Variants in CALD1 observed in about 807,000 individuals in gnomAD.
CALD1 encodes caldesmon.
A neutral mutation model predicts 99.9 loss-of-function variants in CALD1; 33 were observed. The observed-to-expected ratio is 0.33, with a 90% CI of 0.25 to 0.44. The LOEUF is 0.44. Among genes scored for constraint, CALD1 ranks in the 20% least tolerant of loss-of-function variants. CALD1 has a pLI of 1.00. For synonymous variants in CALD1, 310 were observed against 325.0 expected, an observed-to-expected ratio of 0.95 and a Z score of 0.50; for missense variants, 861 against 962.1, an observed-to-expected ratio of 0.89 and a Z score of 1.39.
At position 134,921,141 on chromosome 7, in the gene CALD1, C is replaced by A. The variant is rs1022254274; in HGVS notation, c.72-7613C>A. On this transcript the variant is annotated intron_variant, in intron 3 of 14. Coordinates refer to ENST00000361675, the MANE Select transcript of CALD1 (RefSeq NM_033138.4). ...AGCGGTGAAGATTTTGAAAGAGATT[C>A]CCAAATTCATGTCCACACCAAGTAT... Among the ~76,000 whole-genome samples, 6 of 152,300 alleles carry A rather than the reference C, an allele frequency of 3.9e-5. No homozygotes were observed. In the South Asian group the frequency reaches 6.2e-4, roughly 16 times the overall value.
upstream of CALD1, among the ~76,000 whole-genome samples, chr7:134,775,102 G>C (rs1445753724): frequency 2.6e-5 from 4 of 151,910 alleles, no homozygotes; most frequent in East Asian, 7.7e-4. Context: ...ATTATAGTGT[G>C]TAGTAGAAAC....
At chr7:134,916,070 T>C (rs570397445) in intron 3 of CALD1, among the ~76,000 whole-genome samples, 21 of 152,324 alleles carry the variant, frequency 1.4e-4, no homozygotes, top group Admixed American at 1.1e-3. Context: ...TCATTTCCCA[T>C]TTCCTGTCTC....
At chr7:134,820,248 C>T (rs112883836) in intron 1 of CALD1, among the ~76,000 whole-genome samples, 2 of 152,230 alleles carry the variant, frequency 1.3e-5, no homozygotes, top group African/African-American at 4.8e-5. Context: ...TGATCTTGTA[C>T]GTATAGATGG....
chr7:134,733,812 AAAAAAAAC>A, the CALD1 span, among the ~76,000 whole-genome samples: 3 of 89,152 alleles, frequency 3.4e-5, no homozygotes, highest in African/African-American at 4.8e-5. Flanking sequence ...CTGTCTCAAA[AAAAAAAAC>A]AAAAAACAAA....
chr7:134,852,583 C>G (rs1241778638), intron 2 of CALD1, among the ~76,000 whole-genome samples: 1 of 152,170 alleles, frequency 6.6e-6, no homozygotes, highest in Non-Finnish European at 1.5e-5. Context: ...CCAACAGCTT[C>G]CCAGACCTTC....
intron 1 of CALD1, among the ~76,000 whole-genome samples, chr7:134,751,908 G>A (rs1022210283): frequency 1.5e-4 from 23 of 152,066 alleles, no homozygotes; most frequent in Admixed American, 1.4e-3. Context: ...GCCAGGGGAC[G>A]GAGGTTGCAG....
At chr7:134,770,306 C>A (rs1195810184) in intron 1 of CALD1, among the ~76,000 whole-genome samples, 1 of 152,146 alleles carries the variant, frequency 6.6e-6, no homozygotes, top group Non-Finnish European at 1.5e-5. Context: ...GGGGAGGATT[C>A]GTTTCCTGTG....
chr7:134,877,670 G>T (rs540549757), intron 3 of CALD1, among the ~76,000 whole-genome samples: 24 of 152,224 alleles, frequency 1.6e-4, no homozygotes, highest in African/African-American at 5.1e-4. Flanking sequence ...TATGTACATA[G>T]CATTTATATT....
intron 7 of CALD1, among the ~76,000 whole-genome samples, chr7:134,941,876 C>T (rs944546365): frequency 6.6e-6 from 1 of 152,132 alleles, no homozygotes; most frequent in Non-Finnish European, 1.5e-5. Flanking sequence ...TTCCCCTCAA[C>T]ATAATCCCTT....
intron 1 of CALD1, among the ~76,000 whole-genome samples, chr7:134,824,733 G>T (rs974403): frequency 6.6e-6 from 1 of 151,682 alleles, no homozygotes; most frequent in Non-Finnish European, 1.5e-5. Context: ...TTTTTTCCCA[G>T]TTCCCCCTCA....
At chr7:134,718,120 C>A in the CALD1 span, among the ~76,000 whole-genome samples, 4 of 152,048 alleles carry the variant, frequency 2.6e-5, no homozygotes, top group African/African-American at 9.7e-5. Flanking sequence ...AATGGGAGAG[C>A]AGTTTTTTTA....
intron 1 of CALD1, among the ~76,000 whole-genome samples, chr7:134,829,910 T>G (rs186403945): frequency 1.4e-4 from 22 of 152,318 alleles, no homozygotes; most frequent in African/African-American, 4.1e-4. Context: ...CACCTGGATT[T>G]AGTAATTTAC....
chr7:134,773,202 T>C (rs887844982), intron 1 of CALD1, among the ~76,000 whole-genome samples: 3 of 152,126 alleles, frequency 2.0e-5, no homozygotes, highest in South Asian at 2.1e-4. Flanking sequence ...GGTGTAATTA[T>C]GCAGTGTTTT....
At chr7:134,716,574 T>C in the CALD1 span, among the ~76,000 whole-genome samples, 9 of 152,228 alleles carry the variant, frequency 5.9e-5, 1 homozygote, top group Admixed American at 2.0e-4. Flanking sequence ...TTGGCAAAAA[T>C]ATAAGCAAAA....
intron 3 of CALD1, among the ~76,000 whole-genome samples, chr7:134,872,245 T>G (rs1466786506): frequency 1.3e-5 from 2 of 150,606 alleles, no homozygotes; most frequent in Non-Finnish European, 2.9e-5. Context: ...TAATCCCAGC[T>G]ACTCTGGAGG....
chr7:134,727,873 C>G, the CALD1 span, among the ~76,000 whole-genome samples: 1 of 152,154 alleles, frequency 6.6e-6, no homozygotes, highest in Non-Finnish European at 1.5e-5. Flanking sequence ...AGAAGAAGCT[C>G]GGCCCAAATG....
At chr7:134,846,775 A>G (rs781641795) in intron 2 of CALD1, among the ~76,000 whole-genome samples, 15 of 152,178 alleles carry the variant, frequency 9.9e-5, no homozygotes, top group Non-Finnish European at 1.6e-4. Flanking sequence ...ATGTACATTG[A>G]GATACCAGCT....
the CALD1 span, among the ~76,000 whole-genome samples, chr7:134,718,274 AT>A: frequency 1.3e-5 from 2 of 152,330 alleles, no homozygotes; most frequent in African/African-American, 4.8e-5. Context: ...TGTAAGCTTG[AT>A]GTCATAAGCA....
At chr7:134,874,932 C>T (rs1205636841) in intron 3 of CALD1, among the ~76,000 whole-genome samples, 1 of 152,214 alleles carries the variant, frequency 6.6e-6, no homozygotes, top group Admixed American at 6.5e-5. Flanking sequence ...ATACAACACA[C>T]AACCCCTCAC....
Sources: allele counts gnomAD v4.1 joint callset (sites outside exome capture counted in the v4.1 genomes callset), GRCh38; gene constraint gnomAD v4.1.1; transcripts MANE v1.5; gene names NCBI Gene and HGNC (gene_info 2026-07-23, HGNC 2026-07-21).